SHTN1: variants seen among roughly 807,000 people sequenced by gnomAD.
SHTN1 encodes shootin-1.
SHTN1 carries 42 observed loss-of-function variants against 83.1 expected under a neutral mutation model. That is an observed-to-expected ratio of 0.51 (90% confidence interval 0.39 to 0.65). SHTN1 has a LOEUF of 0.65. Among genes scored for constraint, SHTN1 ranks in the 30% least tolerant of loss-of-function variants. SHTN1 has a pLI of 0.00. For synonymous variants in SHTN1, 224 were observed against 247.7 expected (o/e 0.90, Z 0.90); for missense variants, 622 against 737.8 (o/e 0.84, Z 1.82).
intron 16 of SHTN1, among the ~76,000 whole-genome samples, chr10:116,887,203 G>T (rs971921830): frequency 6.6e-6 from 1 of 152,156 alleles, no homozygotes; most frequent in South Asian, 2.1e-4. Flanking sequence ...GGAGAATCAG[G>T]TTTCTTGAGA....
intron 2 of SHTN1, among the ~76,000 whole-genome samples, chr10:116,976,403 T>C (rs1850809403): frequency 6.6e-6 from 1 of 152,208 alleles, no homozygotes; most frequent in Non-Finnish European, 1.5e-5. Flanking sequence ...ATAGTAGACA[T>C]GTGGAAGGAA....
At chr10:117,114,465 T>C (rs1853814604) in intron 1 of SHTN1, among the ~76,000 whole-genome samples, 1 of 152,116 alleles carries the variant, frequency 6.6e-6, no homozygotes, top group Admixed American at 6.5e-5. Flanking sequence ...GAATACCAAT[T>C]GCACTTTCCC....
chr10:117,103,881 T>C (rs550446782), intron 1 of SHTN1, among the ~76,000 whole-genome samples: 6 of 152,220 alleles, frequency 3.9e-5, no homozygotes, highest in Middle Eastern at 3.4e-3. Flanking sequence ...GGGGTACAGG[T>C]GAATGTTACA....
At chr10:116,979,401 C>CA (rs758545675) in intron 1 of SHTN1, 93 bp from the exon 2 acceptor site, 6 of 994,518 alleles carry the variant, frequency 6.0e-6, no homozygotes, top group Non-Finnish European at 9.5e-6. Flanking sequence ...AGTCTTCTTA[C>CA]TAGGTTGAGG....
intron 1 of SHTN1, among the ~76,000 whole-genome samples, chr10:117,108,723 GA>G (rs922419767): frequency 5.3e-5 from 8 of 149,744 alleles, no homozygotes; most frequent in Non-Finnish European, 8.9e-5. Context: ...TTAAAAACAA[GA>G]AAAAAAAAGA....
intron 2 of SHTN1, among the ~76,000 whole-genome samples, chr10:117,033,152 A>G (rs909705408): frequency 1.3e-5 from 2 of 152,156 alleles, no homozygotes; most frequent in Non-Finnish European, 2.9e-5. Flanking sequence ...AGAGCAAACC[A>G]AACCCAAAAT....
intron 14 of SHTN1, among the ~76,000 whole-genome samples, chr10:116,911,252 G>A (rs1392995401): frequency 6.6e-6 from 1 of 152,118 alleles, no homozygotes; most frequent in Non-Finnish European, 1.5e-5. Context: ...CACAAAGTAT[G>A]CTCTCCAACT....
intron 1 of SHTN1, among the ~76,000 whole-genome samples, chr10:116,982,192 T>C (rs753851272): frequency 4.6e-5 from 7 of 152,210 alleles, no homozygotes; most frequent in Middle Eastern, 3.2e-3. Context: ...ATACTGACAA[T>C]AGAACCCAGA....
intron 1 of SHTN1, among the ~76,000 whole-genome samples, chr10:117,067,047 T>C (rs1853011739): frequency 6.6e-6 from 1 of 152,104 alleles, no homozygotes; most frequent in African/African-American, 2.4e-5. Context: ...AGGAAAGGGT[T>C]GAGAGAGGAA....
chr10:116,926,027 A>G (rs976086047), intron 11 of SHTN1, among the ~76,000 whole-genome samples: 1 of 151,804 alleles, frequency 6.6e-6, no homozygotes, highest in African/African-American at 2.4e-5. Context: ...TCTTTAAAAA[A>G]TTATGTCCTA....
At chr10:116,963,388 A>G (rs557762638) in intron 3 of SHTN1, among the ~76,000 whole-genome samples, 2 of 152,102 alleles carry the variant, frequency 1.3e-5, no homozygotes, top group East Asian at 3.9e-4. Context: ...AAAGTTTTTT[A>G]AACGTTTAGC....
chr10:116,982,831 A>G (rs1317415858), intron 1 of SHTN1, among the ~76,000 whole-genome samples: 2 of 152,086 alleles, frequency 1.3e-5, no homozygotes, highest in African/African-American at 4.8e-5. Context: ...GTATGGCAGC[A>G]CACGCCTGTA....
intron 12 of SHTN1, 94 bp downstream of exon 12, chr10:116,921,337 CCAA>C (rs1848557019): frequency 2.4e-6 from 2 of 819,980 alleles, no homozygotes; most frequent in Non-Finnish European, 4.0e-6. Context: ...TACTACTCTC[CCAA>C]CAACATGTTT....
In SHTN1 at chr10:117,097,228, T is replaced by TC. The variant is rs1398332588; in HGVS notation, c.-189+29078dup. On this transcript the variant is annotated intron_variant, in intron 1 of 17. Transcript: ENST00000392901. ...TCTGTCCTGATTTACCAAACTGACA[T>TC]CCTCATGAAAATCAGATTCCCACTC... Among the ~76,000 whole-genome samples the TC allele has an allele frequency of 4.0e-4, 61 of 152,344 alleles. 2 individuals carry two copies. Among genetic ancestry groups the TC allele is most frequent in the Admixed American group, 2.3e-3 (35 of 15,298 alleles).
chr10:117,040,726 T>C (rs1564939096), intron 2 of SHTN1, among the ~76,000 whole-genome samples: 1 of 152,172 alleles, frequency 6.6e-6, no homozygotes, highest in Non-Finnish European at 1.5e-5. Context: ...TTTCATTACT[T>C]TTGTGGTGTT....
At chr10:117,041,803 CTATAT>C (rs1365393308) in intron 2 of SHTN1, among the ~76,000 whole-genome samples, 2 of 152,132 alleles carry the variant, frequency 1.3e-5, no homozygotes, top group African/African-American at 4.8e-5. Context: ...AGATAGAACA[CTATAT>C]TATTCTTTTC....
chr10:116,900,859 A>G, intron 16 of SHTN1: 2 of 984,782 alleles, frequency 2.0e-6, no homozygotes, highest in Non-Finnish European at 2.4e-6. Context: ...TCCAGAAGAG[A>G]AAAAAAAGTT....
intron 2 of SHTN1, among the ~76,000 whole-genome samples, chr10:117,012,352 TG>T (rs1284502235): frequency 2.6e-4 from 39 of 152,244 alleles, no homozygotes; most frequent in African/African-American, 9.1e-4. Context: ...TCACGCTACC[TG>T]ATTTCCAAGA....
At chr10:117,063,313 A>T (rs1852928573) in intron 1 of SHTN1, among the ~76,000 whole-genome samples, 1 of 152,190 alleles carries the variant, frequency 6.6e-6, no homozygotes, top group African/African-American at 2.4e-5. Context: ...TTTAGAAGTG[A>T]AGTGGATCTG....
Sources: allele counts gnomAD v4.1 joint callset (sites outside exome capture counted in the v4.1 genomes callset), GRCh38; gene constraint gnomAD v4.1.1; transcripts MANE v1.5; gene names NCBI Gene and HGNC (gene_info 2026-07-23, HGNC 2026-07-21).